The following MAST2 variants were observed in gnomAD, a reference collection of about 807,000 sequenced individuals.
MAST2 encodes the protein microtubule-associated serine/threonine-protein kinase 2.
In MAST2, 70 loss-of-function variants were observed where a neutral mutation model predicts 147.4. The observed-to-expected ratio is 0.47, with a 90% CI of 0.39 to 0.58. The LOEUF (loss-of-function observed/expected upper bound fraction) is 0.58. Among genes scored for constraint, MAST2 ranks in the 20% least tolerant of loss-of-function variants. The pLI, the probability that MAST2 is intolerant of heterozygous loss-of-function variation, is 0.00. For synonymous variants in MAST2, 869 were observed against 896.8 expected (o/e 0.97, Z 0.55); for missense variants, 2,080 against 2,302.3 (o/e 0.90, Z 1.98).
chr1:46,005,430 G>C (rs545489893), intron 7 of MAST2, among the ~76,000 whole-genome samples: 1 of 151,888 alleles, frequency 6.6e-6, no homozygotes, highest in Non-Finnish European at 1.5e-5. Flanking sequence ...GCCCTGACTT[G>C]CCTGTTCTCT....
At chr1:45,981,179 C>G (rs1449604388) in intron 5 of MAST2, among the ~76,000 whole-genome samples, 1 of 152,132 alleles carries the variant, frequency 6.6e-6, no homozygotes, top group Non-Finnish European at 1.5e-5. Flanking sequence ...TCAAATGATT[C>G]TCCCACCTCA....
chr1:45,834,128 A>C (rs1365442071), intron 3 of MAST2, among the ~76,000 whole-genome samples: 1 of 152,182 alleles, frequency 6.6e-6, no homozygotes, highest in Non-Finnish European at 1.5e-5. Flanking sequence ...TCTATAGTAC[A>C]TGGACCCAGC....
At position 46,032,604 on chromosome 1, in the gene MAST2, G is replaced by A. The variant is rs775824151; in HGVS notation, c.3423G>A (p.Glu1141=). 1.2e-6 allele frequency: 2 copies of A among 1,614,008 alleles called. No homozygotes were observed. The highest frequency in any genetic ancestry group is 1.6e-4 in the Middle Eastern group (1 of 6,084). Reference sequence around the variant, plus strand: ...TTCTCTTCCTGGCACAGCACGTGGAGGATGGAGGTCCGGCCAGTGAGGCAG... The same window carrying A: ...TTCTCTTCCTGGCACAGCACGTGGAAGATGGAGGTCCGGCCAGTGAGGCAG... The part of the protein sequence containing the change: ...YTVHHMVWHV[E]DGGPASEAGL... Residue 1141 remains glutamate, a synonymous_variant, in exon 26 of 29, where the codon GAG becomes GAA. Transcript: ENST00000361297.
Position 46,023,138 on chromosome 1 carries a change from A to C in MAST2, c.1486-95A>C, listed in dbSNP as rs1321501841. 1.6e-6 allele frequency: 2 copies of C among 1,286,692 alleles called. No individual in the cohort carries two copies. Among genetic ancestry groups the C allele is most frequent in the African/African-American group, 2.9e-5 (2 of 68,346 alleles). 79.7% of individuals were successfully genotyped at this position (1,286,692 alleles called of 1,614,324 possible). ...AAGAATGAGCAGGAGACTGCACTAG[A>C]GCTGACAGCTGAGAAGATGCTAGAG... On this transcript the variant is annotated intron_variant, in intron 13 of 28. Transcript: ENST00000361297. The surrounding 1 kb of genome is among the most constrained non-coding windows in gnomAD (Gnocchi z 4.9).
chr1:45,818,626 A>G (rs2148674209), intron 1 of MAST2, among the ~76,000 whole-genome samples: 1 of 152,322 alleles, frequency 6.6e-6, no homozygotes, highest in South Asian at 2.1e-4. Flanking sequence ...TGTAGTTCTA[A>G]GAGATGATTG....
rs111708622 is a variant in MAST2 at position 45,923,491 on chromosome 1, A to G, written c.501-35895A>G. On this transcript the variant is annotated intron_variant, in intron 4 of 28. Coordinates refer to ENST00000361297, the MANE Select transcript of MAST2 (RefSeq NM_015112.3). ...CTTAGCACTTTAAAATGTAAAGGTC[A>G]TTTGCTTCTCACACCAGTTCTGTGA... Among the ~76,000 whole-genome samples, 233 of 152,294 alleles carry G rather than the reference A, an allele frequency of 1.5e-3. 2 individuals are homozygous for G. Among genetic ancestry groups the G allele is most frequent in the African/African-American group, 5.4e-3 (226 of 41,566 alleles).
intron 4 of MAST2, among the ~76,000 whole-genome samples, chr1:45,937,437 A>G (rs1408417451): frequency 6.6e-6 from 1 of 151,924 alleles, no homozygotes; most frequent in African/African-American, 2.4e-5. Context: ...GGCTGAGACA[A>G]AATTTACAAA....
chr1:45,965,291 G>T (rs12123166), intron 5 of MAST2, among the ~76,000 whole-genome samples: 1 of 152,064 alleles, frequency 6.6e-6, no homozygotes, highest in African/African-American at 2.4e-5. Flanking sequence ...TTTCTGTCTC[G>T]CTGATCTGTC....
At position 46,019,678 on chromosome 1, in the gene MAST2, C is replaced by T. The variant is rs1646103428; in HGVS notation, c.1271C>T (p.Ala424Val). The change falls in exon 11 of 29, where the codon GCA becomes GTA. Residue 424 changes from alanine to valine, a missense_variant. Around this residue, in one of 4 missense-constraint regions of MAST2, gnomAD observed 569 missense variants for 642.5 expected, o/e 0.89. Coordinates refer to ENST00000361297, the MANE Select transcript of MAST2 (RefSeq NM_015112.3). ...KKLMIIIARP[A>V]RLLECLEFDP... is the part of the protein sequence containing the mutation. ...CTGATGATTATCATTGCCCGCCCAG[C>T]ACGTCTCCTGGAATGCCTGGTGAGT... 4 of 1,614,042 alleles carry T rather than the reference C, an allele frequency of 2.5e-6. No individual in the cohort carries two copies. The highest frequency in any genetic ancestry group is 1.3e-5 in the African/African-American group (1 of 74,934).
chr1:45,806,921 TAG>T (rs993538221), intron 1 of MAST2, among the ~76,000 whole-genome samples: 3 of 152,152 alleles, frequency 2.0e-5, no homozygotes, highest in Non-Finnish European at 4.4e-5. Flanking sequence ...TTGCTCAGGC[TAG>T]CCTCGAACTC....
intron 4 of MAST2, among the ~76,000 whole-genome samples, chr1:45,922,061 G>A (rs1348765919): frequency 1.3e-5 from 2 of 152,210 alleles, no homozygotes; most frequent in Non-Finnish European, 2.9e-5. Flanking sequence ...TCAGCAGAGA[G>A]GAGGTCCTGG....
chr1:45,851,003 A>G (rs1047763144), intron 3 of MAST2, among the ~76,000 whole-genome samples: 49 of 152,088 alleles, frequency 3.2e-4, no homozygotes, highest in Admixed American at 6.5e-5. Flanking sequence ...TCTGTGAAAA[A>G]TGACATTGGT....
chr1:45,811,845 A>G (rs990791892), intron 1 of MAST2, among the ~76,000 whole-genome samples: 67 of 151,674 alleles, frequency 4.4e-4, no homozygotes, highest in Non-Finnish European at 8.1e-4. Context: ...TGTGTTAGCC[A>G]GGATGGTCTT....
intron 4 of MAST2, among the ~76,000 whole-genome samples, chr1:45,916,311 A>G (rs545610934): frequency 2.6e-5 from 4 of 152,238 alleles, no homozygotes; most frequent in Non-Finnish European, 5.9e-5. Flanking sequence ...TACCTTGGAA[A>G]TTAAATAATG....
chr1:45,969,545 C>A (rs1643822606), intron 5 of MAST2, among the ~76,000 whole-genome samples: 1 of 152,038 alleles, frequency 6.6e-6, no homozygotes, highest in Admixed American at 6.6e-5. Context: ...TCTCATAGGA[C>A]CATGAACCCT....
chr1:45,988,104 C>T (rs1644722134), intron 5 of MAST2, among the ~76,000 whole-genome samples: 1 of 152,112 alleles, frequency 6.6e-6, no homozygotes, highest in Non-Finnish European at 1.5e-5. Context: ...CCTCGACTTC[C>T]TGGGCTTAAG....
intron 5 of MAST2, among the ~76,000 whole-genome samples, chr1:45,967,045 C>T (rs978975987): frequency 2.6e-5 from 4 of 151,670 alleles, no homozygotes; most frequent in African/African-American, 7.3e-5. Flanking sequence ...ATGGCTCACA[C>T]TTGTAATCCC....
rs1350058812 is a variant in MAST2, at chr1:46,023,585, C to A, written c.1572-187C>A. 1 of 634,210 alleles carries A rather than the reference C, an allele frequency of 1.6e-6. No homozygotes were observed. The highest frequency in any genetic ancestry group is 2.8e-6 in the Non-Finnish European group (1 of 362,014). 39.3% of individuals were successfully genotyped at this position (634,210 alleles called of 1,614,324 possible). ...GAAGCATTGAGCCGTGTCATCAGGACATGGTCTATCAAGAAGTTTAAGAGT... is the reference window on the plus strand; with the variant it reads ...GAAGCATTGAGCCGTGTCATCAGGAAATGGTCTATCAAGAAGTTTAAGAGT... On this transcript the variant is annotated intron_variant, in intron 14 of 28. Coordinates refer to ENST00000361297, the MANE Select transcript of MAST2 (RefSeq NM_015112.3). The surrounding 1 kb of genome is among the most constrained non-coding windows in gnomAD (Gnocchi z 4.9).
chr1:45,881,599 G>A (rs1236500932), intron 3 of MAST2, among the ~76,000 whole-genome samples: 1 of 152,140 alleles, frequency 6.6e-6, no homozygotes, highest in African/African-American at 2.4e-5. Flanking sequence ...GGTGTGTGAA[G>A]TCATCTCTTT....
Sources: allele counts gnomAD v4.1 joint callset (sites outside exome capture counted in the v4.1 genomes callset), GRCh38; gene constraint gnomAD v4.1.1; regional missense constraint gnomAD v4.1.1; non-coding constraint Gnocchi (gnomAD v3.1); transcripts MANE v1.5; gene names NCBI Gene and HGNC (gene_info 2026-07-23, HGNC 2026-07-21).